The following UBE2O variants were observed in gnomAD, a reference collection of about 807,000 sequenced individuals.
UBE2O encodes ubiquitin conjugating enzyme E2 O.
A neutral mutation model predicts 125.8 loss-of-function variants in UBE2O; 15 were observed. That is an observed-to-expected ratio of 0.12 (90% CI 0.08 to 0.18). The LOEUF (loss-of-function observed/expected upper bound fraction) is 0.18, where lower values mean the gene tolerates loss of function less well. UBE2O is among the 10% of genes least tolerant of loss of function. The probability of loss-of-function intolerance (pLI) is 1.00; values close to 1 mark genes in which losing one functional copy is unlikely to be tolerated. For synonymous variants in UBE2O, 708 were observed against 703.2 expected (o/e 1.01, Z -0.11); for missense variants, 1,280 against 1,723.6 (o/e 0.74, Z 4.56).
At chr17:76,393,375 T>TCAC (rs1467239033) in intron 15 of UBE2O, among the ~76,000 whole-genome samples, 6 of 151,856 alleles carry the variant, frequency 4.0e-5, no homozygotes, top group Middle Eastern at 3.4e-3. Flanking sequence ...AGCGATTCTC[T>TCAC]GCTTCAGTCT....
rs2072407191 is a variant in UBE2O at position 76,405,819 on chromosome 17, T to C, written c.418-247A>G. On this transcript the variant is annotated intron_variant, in intron 1 of 17. Coordinates refer to ENST00000319380, the MANE Select transcript of UBE2O (RefSeq NM_022066.4). The surrounding 1 kb of genome is among the most constrained non-coding windows in gnomAD (Gnocchi z 6.1). Reference sequence around the variant, plus strand: ...TCACTGTCTCACCCACCAGAGGCACTTGGCTTGCCGGAGGTAGCCTTCCTC... The same window carrying C: ...TCACTGTCTCACCCACCAGAGGCACCTGGCTTGCCGGAGGTAGCCTTCCTC... Among the ~76,000 whole-genome samples, 1 of 152,222 alleles carries C rather than the reference T, an allele frequency of 6.6e-6. No individual in the cohort carries two copies. Among genetic ancestry groups the C allele is most frequent in the Non-Finnish European group, 1.5e-5 (1 of 68,036 alleles).
At position 76,410,258 on chromosome 17, in the gene UBE2O, G is replaced by A. The variant is rs1384379080; in HGVS notation, c.418-4686C>T. On this transcript the variant is annotated intron_variant, in intron 1 of 17. Coordinates refer to ENST00000319380, the MANE Select transcript of UBE2O (RefSeq NM_022066.4). This position sits in a 1 kb window ranked among gnomAD's most constrained non-coding sequence, Gnocchi z 4.0. The stretch of plus-strand genomic sequence containing the variant: ...ATTACCTGATTTTTGGGCAGGGAAC[G>A]TGCTGAGAGAGGGAGCACGGAGGCT... Among the ~76,000 whole-genome samples, 3 of 152,104 alleles carry A rather than the reference G, an allele frequency of 2.0e-5. No homozygotes were observed. Among genetic ancestry groups the A allele is most frequent in the Non-Finnish European group, 2.9e-5 (2 of 68,012 alleles).
intron 1 of UBE2O, among the ~76,000 whole-genome samples, chr17:76,444,286 CG>C (rs1255100016): frequency 6.6e-6 from 1 of 151,568 alleles, no homozygotes; most frequent in African/African-American, 2.4e-5. Flanking sequence ...CCGTGGCTCA[CG>C]TCTGTAATCC....
At chr17:76,412,366 A>G (rs978085729) in intron 1 of UBE2O, among the ~76,000 whole-genome samples, 34 of 152,276 alleles carry the variant, frequency 2.2e-4, no homozygotes, top group African/African-American at 7.0e-4. Flanking sequence ...AGTAAAAACA[A>G]TCTGAGAAAC....
intron 1 of UBE2O, among the ~76,000 whole-genome samples, chr17:76,439,639 T>C (rs917573935): frequency 2.0e-5 from 3 of 152,232 alleles, no homozygotes; most frequent in African/African-American, 7.2e-5. Context: ...TAAAAAATTA[T>C]TGTGGTCCTC....
intron 1 of UBE2O, among the ~76,000 whole-genome samples, chr17:76,424,091 G>A (rs1314164585): frequency 6.6e-6 from 1 of 151,536 alleles, no homozygotes; most frequent in Non-Finnish European, 1.5e-5. Flanking sequence ...TGTATTTTTA[G>A]TAGAGACGGG....
Position 76,400,184 on chromosome 17 carries a change from T to C in UBE2O, c.1118A>G (p.Lys373Arg). 1 of 1,614,136 alleles carries C rather than the reference T, an allele frequency of 6.2e-7. No homozygotes were observed. The highest frequency in any genetic ancestry group is 8.5e-7 in the Non-Finnish European group (1 of 1,180,022). The change falls in exon 8 of 18, where the codon AAA (lysine) becomes AGA (arginine). Residue 373 changes from lysine (K) to arginine (R), a missense_variant. Physicochemically the swap from Lys to Arg is conservative, Grantham distance 26. Transcript: ENST00000319380. This position sits in a 1 kb window ranked among gnomAD's most constrained non-coding sequence, Gnocchi z 4.3. ...AGAGCCCTCCCCCTGGGCGCAGTTTTTTTCTGGACATTCCCAGGCAATCTT... is the reference window on the plus strand; with the variant it reads ...AGAGCCCTCCCCCTGGGCGCAGTTTCTTTCTGGACATTCCCAGGCAATCTT... ...PAKIAWECPE[K>R]NCAQGEGSMA... is the part of the protein sequence containing the mutation.
rs1598582892 is a variant in UBE2O at position 76,396,875 on chromosome 17, C to T, written c.2116-54G>A. 2.0e-6 allele frequency: 3 copies of T among 1,471,330 alleles called. No individual in the cohort carries two copies. In the East Asian group the frequency reaches 6.9e-5, roughly 34 times the overall value. The allele number at this position is 1,471,330 out of a possible 1,614,324, so 91.1% of individuals were successfully genotyped here. On this transcript the variant is annotated intron_variant, in intron 13 of 17. Coordinates refer to ENST00000319380, the MANE Select transcript of UBE2O (RefSeq NM_022066.4). The surrounding 1 kb of genome is among the most constrained non-coding windows in gnomAD (Gnocchi z 6.7). ...AGCAGACAGGAAGTCACCTCCCCAC[C>T]ACTAAGGAGGAGCTCTGGGGATCCC...
rs2072264619 is a variant in UBE2O, at chr17:76,398,895, A to C, written c.1725T>G (p.Pro575=). ...ACTCGTTGTTGTCCAGGTGGTGCAC[A>C]GGGAAGAGGTCGTTGGAGCGGATGT... ...ECNIRSNDLF[P]VHHLDNNEFC... The change falls in exon 10 of 18, where the codon CCT becomes CCG. Residue 575 remains proline, a synonymous_variant. Transcript: ENST00000319380. The surrounding 1 kb of genome is among the most constrained non-coding windows in gnomAD (Gnocchi z 5.4). 1.9e-6 allele frequency: 3 copies of C among 1,614,050 alleles called. No homozygotes were observed. Among genetic ancestry groups the C allele is most frequent in the Middle Eastern group, 1.6e-4 (1 of 6,084 alleles).
intron 1 of UBE2O, among the ~76,000 whole-genome samples, chr17:76,438,227 G>A (rs2073028733): frequency 6.6e-6 from 1 of 152,164 alleles, no homozygotes; most frequent in African/African-American, 2.4e-5. Flanking sequence ...GAGTTTCAGT[G>A]GGGAATGATG....
At chr17:76,417,871 T>G (rs533104181) in intron 1 of UBE2O, among the ~76,000 whole-genome samples, 1 of 152,186 alleles carries the variant, frequency 6.6e-6, no homozygotes. Flanking sequence ...ACCTGCAGAA[T>G]TGGGCAGAAA....
In UBE2O at chr17:76,402,521, A is replaced by G. The variant is rs2072345591; in HGVS notation, c.686+81T>C. On this transcript the variant is annotated intron_variant, in intron 4 of 17. Coordinates refer to ENST00000319380, the MANE Select transcript of UBE2O (RefSeq NM_022066.4). The surrounding 1 kb of genome is among the most constrained non-coding windows in gnomAD (Gnocchi z 5.4). ...GATCAAACCTGTCATCACTGTCCCC[A>G]GGAGGAAACACCCTCCTCCTCCCCT... 4.1e-6 allele frequency: 5 copies of G among 1,227,712 alleles called. No individual in the cohort carries two copies. Among genetic ancestry groups the G allele is most frequent in the South Asian group, 2.4e-5 (2 of 81,792 alleles). The allele number at this position is 1,227,712 out of a possible 1,614,324, so 76.1% of individuals were successfully genotyped here. A position where few individuals can be genotyped will look rare whatever the true frequency, so the allele number is the denominator to read the frequency against.
intron 1 of UBE2O, among the ~76,000 whole-genome samples, chr17:76,422,754 C>T (rs976510807): frequency 3.9e-5 from 6 of 152,334 alleles, no homozygotes; most frequent in African/African-American, 1.4e-4. Flanking sequence ...TCTCTATCCA[C>T]CTGCTTTATT....
chr17:76,400,943 G>C lies in UBE2O; in HGVS notation c.894+68C>G. The C allele has an allele frequency of 1.3e-6, 2 of 1,576,852 alleles. No individual in the cohort carries two copies. On this transcript the variant is annotated intron_variant, in intron 6 of 17. Transcript: ENST00000319380. This position sits in a 1 kb window ranked among gnomAD's most constrained non-coding sequence, Gnocchi z 4.3. ...CAACCCTCAAGAGCAGGAAGGAAAGGGGCAGCAGCTCAGCTCCAGGGTGTG... is the reference window on the plus strand; with the variant it reads ...CAACCCTCAAGAGCAGGAAGGAAAGCGGCAGCAGCTCAGCTCCAGGGTGTG...
intron 1 of UBE2O, among the ~76,000 whole-genome samples, chr17:76,445,334 G>C (rs1208511043): frequency 6.6e-6 from 1 of 151,386 alleles, no homozygotes; most frequent in Non-Finnish European, 1.5e-5. Flanking sequence ...TAAACCAAAA[G>C]TGACCTGAAA....
chr17:76,421,191 G>T (rs1434134439), intron 1 of UBE2O, among the ~76,000 whole-genome samples: 2 of 152,138 alleles, frequency 1.3e-5, no homozygotes, highest in Non-Finnish European at 2.9e-5. Context: ...CACAGCTACA[G>T]TGAGCTCCCT....
chr17:76,430,639 T>A (rs1400157851), intron 1 of UBE2O: 1 of 336,814 alleles, frequency 3.0e-6, no homozygotes, highest in Non-Finnish European at 6.1e-6. Context: ...ATTCGCTTCT[T>A]ATTGATTTTG....
At position 76,398,973 on chromosome 17, in the gene UBE2O, C is replaced by T. The variant is rs755036827; in HGVS notation, c.1647G>A (p.Val549=). The T allele has an allele frequency of 1.2e-6, 2 of 1,613,902 alleles. No individual in the cohort carries two copies. The highest frequency in any genetic ancestry group is 1.1e-5 in the South Asian group (1 of 91,040). ...KPGDRVAVEV[V]TTMTSADVMW... ...TCACGTCGGCTGAGGTCATCGTGGT[C>T]ACCACCTCCACTGCCACCCTGCGGG... The change falls in exon 10 of 18, where the codon GTG becomes GTA. Residue 549 remains valine, a synonymous_variant. Transcript: ENST00000319380. This position sits in a 1 kb window ranked among gnomAD's most constrained non-coding sequence, Gnocchi z 5.4.
intron 1 of UBE2O, among the ~76,000 whole-genome samples, chr17:76,449,659 C>G: frequency 6.6e-6 from 1 of 152,178 alleles, no homozygotes; most frequent in East Asian, 1.9e-4. Context: ...TGGCTCCTGC[C>G]TGTAATCCCA....
Sources: gnomAD v4.1 joint callset for allele counts (sites outside exome capture counted in the v4.1 genomes callset) on GRCh38, gnomAD v4.1.1 for gene constraint, Gnocchi (gnomAD v3.1) non-coding constraint, MANE v1.5 for transcripts, NCBI Gene and HGNC (gene_info 2026-07-23, HGNC 2026-07-21) for gene names.